The following CLEC16A variants were observed in gnomAD, a reference collection of about 807,000 sequenced individuals.
The protein encoded by CLEC16A is C-type lectin domain containing 16A.
CLEC16A carries 51 observed loss-of-function variants against 109.5 expected under a neutral mutation model. The ratio of observed to expected loss-of-function variants is 0.47; its 90% CI spans 0.37 to 0.59. The LOEUF is 0.59. Among genes scored for constraint, CLEC16A ranks in the 20% least tolerant of loss-of-function variants. The pLI is 0.00. For synonymous variants in CLEC16A, 673 were observed against 564.2 expected, an observed-to-expected ratio of 1.19 and a Z score of -2.73; for missense variants, 1,339 against 1,394.0, an observed-to-expected ratio of 0.96 and a Z score of 0.63.
intron 13 of CLEC16A, among the ~76,000 whole-genome samples, chr16:11,029,251 C>G (rs530018152): frequency 6.6e-6 from 1 of 152,248 alleles, no homozygotes; most frequent in East Asian, 1.9e-4. Context: ...GTGAGGTGGT[C>G]TCTCCACACT....
intron 23 of CLEC16A, among the ~76,000 whole-genome samples, chr16:11,172,731 A>T (rs1250280403): frequency 6.6e-6 from 1 of 152,130 alleles, no homozygotes; most frequent in African/African-American, 2.4e-5. Flanking sequence ...TCTACTAAAA[A>T]TACAAAAATT....
At chr16:11,176,909 T>A (rs1008484034) in intron 23 of CLEC16A, among the ~76,000 whole-genome samples, 2 of 152,236 alleles carry the variant, frequency 1.3e-5, no homozygotes, top group Non-Finnish European at 2.9e-5. Context: ...GCTGCCTGCT[T>A]TTATTTCGTT....
chr16:10,977,818 A>G (rs2043104422), intron 8 of CLEC16A, among the ~76,000 whole-genome samples: 1 of 152,162 alleles, frequency 6.6e-6, no homozygotes, highest in South Asian at 2.1e-4. Flanking sequence ...TTTTGAGCCC[A>G]AGGGAGATTC....
At chr16:11,089,430 AG>A (rs2152960308) in intron 19 of CLEC16A, among the ~76,000 whole-genome samples, 1 of 152,278 alleles carries the variant, frequency 6.6e-6, no homozygotes, top group East Asian at 1.9e-4. Context: ...CAGAACGCTG[AG>A]GGGTCAGCCT....
At chr16:11,020,449 C>G (rs2046030109) in intron 12 of CLEC16A, 124 bp downstream of exon 12, 1 of 1,238,034 alleles carries the variant, frequency 8.1e-7, no homozygotes, top group Non-Finnish European at 1.1e-6. Flanking sequence ...GCCTCCCTTT[C>G]TTTCCCTGCT....
chr16:10,968,981 C>T (rs1165724060), intron 3 of CLEC16A, among the ~76,000 whole-genome samples, 180 bp from the exon 4 acceptor site: 1 of 152,128 alleles, frequency 6.6e-6, no homozygotes, highest in Admixed American at 6.5e-5. Flanking sequence ...TTCCTGGTGA[C>T]TGTACATTGA....
chr16:11,053,480 C>T (rs1000871483), intron 18 of CLEC16A, among the ~76,000 whole-genome samples: 1 of 152,044 alleles, frequency 6.6e-6, no homozygotes. Flanking sequence ...AAGCAATCCT[C>T]CCACCTCAGC....
chr16:10,971,258 G>T (rs199890590), intron 5 of CLEC16A, 28 bp downstream of exon 5: 1 of 1,525,570 alleles, frequency 6.6e-7, no homozygotes, highest in African/African-American at 1.4e-5. Context: ...CTTGTGTCTC[G>T]GCTGATTTCT....
intron 13 of CLEC16A, among the ~76,000 whole-genome samples, chr16:11,029,714 G>A (rs553124308): frequency 9.2e-5 from 14 of 152,310 alleles, no homozygotes; most frequent in African/African-American, 2.6e-4. Flanking sequence ...CAGAAGCATA[G>A]CACCTTTAAA....
At chr16:11,166,628 A>T in intron 23 of CLEC16A, 76 bp downstream of exon 23, 1 of 1,401,874 alleles carries the variant, frequency 7.1e-7, no homozygotes. Context: ...AAAACCCCTG[A>T]CCTCCAGGTC....
At chr16:11,001,763 C>T (rs1357396347) in intron 10 of CLEC16A, among the ~76,000 whole-genome samples, 20 of 152,106 alleles carry the variant, frequency 1.3e-4, no homozygotes, top group Admixed American at 1.3e-3. Flanking sequence ...CACCTCAGCC[C>T]CGCAAAGTGC....
intron 2 of CLEC16A, among the ~76,000 whole-genome samples, chr16:10,959,675 A>T (rs2146005536): frequency 6.6e-6 from 1 of 152,108 alleles, no homozygotes; most frequent in East Asian, 1.9e-4. Flanking sequence ...TACAGGCATG[A>T]GCCACCGTGC....
At chr16:11,085,617 C>A (rs569311087) in intron 19 of CLEC16A, among the ~76,000 whole-genome samples, 4 of 152,332 alleles carry the variant, frequency 2.6e-5, no homozygotes, top group African/African-American at 9.6e-5. Context: ...TGTTATTGTC[C>A]TGTGGTAGCC....
intron 17 of CLEC16A, among the ~76,000 whole-genome samples, chr16:11,049,721 G>A (rs1304160412): frequency 6.6e-6 from 1 of 152,176 alleles, no homozygotes; most frequent in Non-Finnish European, 1.5e-5. Flanking sequence ...TATTGCCTCT[G>A]GTTTAATGCA....
At chr16:11,125,871 G>C in intron 21 of CLEC16A, 108 bp from the exon 22 acceptor site, 1 of 924,544 alleles carries the variant, frequency 1.1e-6, no homozygotes, top group South Asian at 1.5e-5. Flanking sequence ...TCTCCCAAGT[G>C]ATGTGCCTGG....
At chr16:11,007,713 GT>G (rs1239767237) in intron 11 of CLEC16A, among the ~76,000 whole-genome samples, 6 of 152,182 alleles carry the variant, frequency 3.9e-5, no homozygotes, top group Admixed American at 2.6e-4. Flanking sequence ...CACCAAGCAC[GT>G]TTCTGTGGGA....
intron 3 of CLEC16A, among the ~76,000 whole-genome samples, chr16:10,968,227 A>G (rs902982437): frequency 6.6e-6 from 1 of 152,366 alleles, no homozygotes; most frequent in East Asian, 1.9e-4. Flanking sequence ...TGAGATATCA[A>G]ACTGCAGGCC....
chr16:10,975,442 A>T (rs767193425), intron 7 of CLEC16A, among the ~76,000 whole-genome samples: 1 of 152,200 alleles, frequency 6.6e-6, no homozygotes, highest in African/African-American at 2.4e-5. Context: ...TATTACTTTG[A>T]TATTTTTTAA....
At chr16:11,135,603 G>A (rs895878967) in intron 22 of CLEC16A, among the ~76,000 whole-genome samples, 3 of 152,198 alleles carry the variant, frequency 2.0e-5, no homozygotes, top group Non-Finnish European at 2.9e-5. Context: ...CTGTATGCCC[G>A]GGAGCCTTCT....
Sources: allele counts gnomAD v4.1 joint callset (sites outside exome capture counted in the v4.1 genomes callset), GRCh38; gene constraint gnomAD v4.1.1; transcripts MANE v1.5; gene names NCBI Gene and HGNC (gene_info 2026-07-23, HGNC 2026-07-21).